The following SCN7A variants were observed in gnomAD, a reference collection of about 807,000 sequenced individuals.
The protein encoded by SCN7A is sodium channel protein type 7 subunit alpha.
Under a neutral mutation model 155.2 loss-of-function variants are expected in SCN7A, and 138 were observed. That is an observed-to-expected ratio of 0.89 (90% confidence interval 0.77 to 1.02). The LOEUF (loss-of-function observed/expected upper bound fraction) is 1.02. SCN7A is among the 50% of genes least tolerant of loss of function. The pLI, the probability that SCN7A is intolerant of heterozygous loss-of-function variation, is 0.00. For missense variants in SCN7A, 2,058 were observed against 1,986.6 expected, an observed-to-expected ratio of 1.04 and a Z score of -0.68; for synonymous variants, 693 against 649.0, an observed-to-expected ratio of 1.07 and a Z score of -1.03.
intron 18 of SCN7A, among the ~76,000 whole-genome samples, chr2:166,426,737 T>A (rs987792475): frequency 1.3e-5 from 2 of 151,972 alleles, no homozygotes; most frequent in Non-Finnish European, 2.9e-5. Flanking sequence ...GGGGTAAGAG[T>A]GTTGTTCTGG....
intron 2 of SCN7A, among the ~76,000 whole-genome samples, chr2:166,483,554 A>G (rs1392624249): frequency 1.3e-5 from 2 of 151,974 alleles, no homozygotes; most frequent in African/African-American, 4.8e-5. Flanking sequence ...TTGCATTAAG[A>G]TAAATTCTAG....
intron 1 of SCN7A, among the ~76,000 whole-genome samples, chr2:166,490,061 A>C (rs1303778330): frequency 1.3e-5 from 2 of 152,040 alleles, no homozygotes; most frequent in Non-Finnish European, 2.9e-5. Flanking sequence ...TATCAAGCTA[A>C]TTAATATATC....
At chr2:166,434,588 G>GT in intron 15 of SCN7A, among the ~76,000 whole-genome samples, 1 of 152,186 alleles carries the variant, frequency 6.6e-6, no homozygotes, top group South Asian at 2.1e-4. Flanking sequence ...GTCTCCTTTG[G>GT]CAATGAGGTT....
intron 5 of SCN7A, among the ~76,000 whole-genome samples, chr2:166,473,416 T>C (rs1702702785): frequency 6.6e-6 from 1 of 151,560 alleles, no homozygotes; most frequent in South Asian, 2.1e-4. Context: ...GTTTTAATAA[T>C]AAAAACTCAA....
intron 7 of SCN7A, among the ~76,000 whole-genome samples, chr2:166,469,820 C>T (rs1355741979): frequency 6.6e-6 from 1 of 151,900 alleles, no homozygotes; most frequent in Non-Finnish European, 1.5e-5. Flanking sequence ...AACAGCTTTA[C>T]TGAGATATAA....
intron 10 of SCN7A, among the ~76,000 whole-genome samples, chr2:166,459,500 A>C (rs1308884473): frequency 1.3e-5 from 2 of 152,178 alleles, no homozygotes; most frequent in East Asian, 3.8e-4. Context: ...AGTATATCAG[A>C]ATACTTGGAT....
intron 10 of SCN7A, among the ~76,000 whole-genome samples, chr2:166,459,823 G>C (rs941550077): frequency 3.3e-5 from 5 of 152,102 alleles, no homozygotes; most frequent in South Asian, 2.1e-4. Context: ...CATGTCCTTT[G>C]CAGGCACATG....
rs1701054878 is a variant in SCN7A, at chr2:166,405,744, C to T, written c.4885G>A (p.Ala1629Thr). The T allele has an allele frequency of 6.2e-7, 1 of 1,612,960 alleles. No homozygotes were observed. Among genetic ancestry groups the T allele is most frequent in the Non-Finnish European group, 8.5e-7 (1 of 1,179,312 alleles). Residue 1629 changes from alanine (A) to threonine (T), a missense_variant, in exon 26 of 26, where the codon GCA becomes ACA. By Grantham distance (58) the Ala-to-Thr change is moderately conservative (BLOSUM62 0). Coordinates refer to ENST00000643258, the MANE Select transcript of SCN7A (RefSeq NM_002976.4). ...TTATAAGCACGTTGAATGATGGTTGCTGAAACTGCCTCTTGTTTTCGTTTC... is the reference window on the plus strand; with the variant it reads ...TTATAAGCACGTTGAATGATGGTTGTTGAAACTGCCTCTTGTTTTCGTTTC... ...TLKRKQEAVS[A>T]TIIQRAYKNY...
chr2:166,439,055 GTA>G lies in SCN7A; in HGVS notation c.2157+2339_2157+2340del, dbSNP rs66783423. ...CACATACATATATGTGTGTGTGTGT[GTA>G]TATATATATATATATATATATAGCC... On this transcript the variant is annotated intron_variant, in intron 15 of 25. Transcript: ENST00000643258. Among the ~76,000 whole-genome samples the G allele has an allele frequency of 6.0e-3, 685 of 113,344 alleles. 3 individuals are homozygous for G. The highest frequency in any genetic ancestry group is 0.03 in the East Asian group (119 of 4,032). The allele number at this position is 113,344 out of a possible 152,430, so 74.4% of individuals were successfully genotyped here.
At position 166,406,516 on chromosome 2, in the gene SCN7A, A is replaced by G. The variant is rs989585755; in HGVS notation, c.4113T>C (p.Leu1371=). Residue 1371 remains leucine, a synonymous_variant, in exon 26 of 26, where the codon CTT becomes CTC. Transcript: ENST00000643258. The part of the protein sequence containing the change: ...KGPKVFHNLM[L]PLMLSLPALL... ...ATGCTGGGAGGGACAGCATCAAAGGAAGCATCAGATTATGAAACACCTTTG... is the reference window on the plus strand; with the variant it reads ...ATGCTGGGAGGGACAGCATCAAAGGGAGCATCAGATTATGAAACACCTTTG... 1 of 1,612,876 alleles carries G rather than the reference A, an allele frequency of 6.2e-7. No homozygotes were observed. The highest frequency in any genetic ancestry group is 1.1e-5 in the South Asian group (1 of 91,066).
At chr2:166,480,383 G>A (rs1285083677) in intron 2 of SCN7A, among the ~76,000 whole-genome samples, 3 of 151,692 alleles carry the variant, frequency 2.0e-5, no homozygotes, top group Admixed American at 6.6e-5. Flanking sequence ...GCATGAGCCC[G>A]GGAGGCGGAG....
At chr2:166,455,906 T>G (rs1345213718) in intron 11 of SCN7A, among the ~76,000 whole-genome samples, 1 of 152,172 alleles carries the variant, frequency 6.6e-6, no homozygotes, top group Non-Finnish European at 1.5e-5. Context: ...GACTTGATCA[T>G]GGAGGATAAG....
chr2:166,465,542 G>T lies in SCN7A; in HGVS notation c.872-11C>A, dbSNP rs1434589229. ...AAAAGTTTTCTGTTTCTGAAAAACAGGCAAGAAATGATATTCTATATGTAA... is the reference window on the plus strand; with the variant it reads ...AAAAGTTTTCTGTTTCTGAAAAACATGCAAGAAATGATATTCTATATGTAA... On this transcript the variant is annotated splice_polypyrimidine_tract_variant and intron_variant, in intron 8 of 25. Coordinates refer to ENST00000643258, the MANE Select transcript of SCN7A (RefSeq NM_002976.4). 15 of 1,569,688 alleles carry T rather than the reference G, an allele frequency of 9.6e-6. No homozygotes were observed. Among genetic ancestry groups the T allele is most frequent in the Admixed American group, 1.8e-5 (1 of 55,664 alleles).
chr2:166,485,031 A>G (rs1376908044), intron 2 of SCN7A, among the ~76,000 whole-genome samples: 1 of 152,134 alleles, frequency 6.6e-6, no homozygotes, highest in Non-Finnish European at 1.5e-5. Flanking sequence ...ATGGAAGTCT[A>G]TTTATCCAAT....
At chr2:166,450,530 G>A (rs901288669) in intron 11 of SCN7A, among the ~76,000 whole-genome samples, 6 of 152,110 alleles carry the variant, frequency 3.9e-5, no homozygotes, top group African/African-American at 1.4e-4. Flanking sequence ...GGACGGGTGT[G>A]GTGGCTCACG....
chr2:166,475,723 C>T (rs1430278970), intron 3 of SCN7A, among the ~76,000 whole-genome samples: 3 of 151,720 alleles, frequency 2.0e-5, no homozygotes, highest in African/African-American at 7.3e-5. Flanking sequence ...TAATAATCTC[C>T]CAATTTAAGA....
rs778955271 is a variant in SCN7A at position 166,427,915 on chromosome 2, T to G, written c.2726A>C (p.Gln909Pro). The change falls in exon 18 of 26, where the codon CAA becomes CCA. Residue 909 changes from glutamine to proline, a missense_variant. Physicochemically the swap from Gln to Pro is moderately conservative, Grantham distance 76 (BLOSUM62 -1). Coordinates refer to ENST00000643258, the MANE Select transcript of SCN7A (RefSeq NM_002976.4). ...TCCTTTCTTGGATGCTCCACTGATT[T>G]GACCAAGTGAAGATCCGCGTCTGCA... ...NGCRRGSSLG[Q>P]ISGASKKGKI... 3.7e-6 allele frequency: 6 copies of G among 1,612,834 alleles called. No homozygotes were observed. The highest frequency in any genetic ancestry group is 5.1e-6 in the Non-Finnish European group (6 of 1,179,238).
intron 23 of SCN7A, among the ~76,000 whole-genome samples, chr2:166,411,310 A>G (rs1701197346): frequency 6.6e-6 from 1 of 152,046 alleles, no homozygotes; most frequent in Admixed American, 6.6e-5. Context: ...CCGGGATGTG[A>G]ATCATCCCTT....
In SCN7A at chr2:166,441,485, C is replaced by T; in HGVS notation, c.2068G>A (p.Val690Ile). Residue 690 changes from valine to isoleucine, a missense_variant, in exon 15 of 26, where the codon GTA becomes ATA. Val to Ile is a conservative substitution (Grantham distance 29). Coordinates refer to ENST00000643258, the MANE Select transcript of SCN7A (RefSeq NM_002976.4). ...TCCATACAGTCCCACAAGGTCTCTA[C>T]CCACTCTCCACAGAGAATTCGGAAC... ...NVFRILCGEW[V>I]ETLWDCMEVA... 1 of 1,614,040 alleles carries T rather than the reference C, an allele frequency of 6.2e-7. No homozygotes were observed. Among genetic ancestry groups the T allele is most frequent in the Non-Finnish European group, 8.5e-7 (1 of 1,179,956 alleles).
Sources: gnomAD v4.1 joint callset for allele counts (sites outside exome capture counted in the v4.1 genomes callset) on GRCh38, gnomAD v4.1.1 for gene constraint, MANE v1.5 for transcripts, NCBI Gene and HGNC (gene_info 2026-07-23, HGNC 2026-07-21) for gene names.